Variants in HMGB1 observed in about 807,000 individuals in gnomAD.
HMGB1 encodes high mobility group protein B1.
For synonymous variants in HMGB1, 81 were observed against 84.0 expected (o/e 0.96, Z 0.19); for missense variants, 79 against 253.5 (o/e 0.31, Z 4.67).
At chr13:30,506,653 C>G (rs1887875967) in intron 1 of HMGB1, among the ~76,000 whole-genome samples, 1 of 152,184 alleles carries the variant, frequency 6.6e-6, no homozygotes, top group Non-Finnish European at 1.5e-5. Context: ...CACACTCGAG[C>G]TGCCCCTCTC....
At chr13:30,511,307 T>G (rs1478162834) in intron 1 of HMGB1, among the ~76,000 whole-genome samples, 1 of 151,512 alleles carries the variant, frequency 6.6e-6, no homozygotes, top group Admixed American at 6.6e-5. Context: ...TGGTGGGAGG[T>G]GTTTGGGCCA....
At position 30,462,577 on chromosome 13, in the gene HMGB1, A is replaced by G. The variant is rs200955676; in HGVS notation, c.432T>C (p.Tyr144=). 1.9e-6 allele frequency: 3 copies of G among 1,612,952 alleles called. No individual in the cohort carries two copies. Among genetic ancestry groups the G allele is most frequent in the East Asian group, 2.2e-5 (1 of 44,878 alleles). Residue 144 remains tyrosine (Y), a synonymous_variant, in exon 4 of 5, where the codon TAT becomes TAC. Coordinates refer to ENST00000341423, the MANE Select transcript of HMGB1 (RefSeq NM_002128.7). Reference sequence around the variant, plus strand: ...CCTTCAGCTTCGCAGCCTTCTTTTCATAAGGCTGCTTGTCATCTGCAGCAG... The same window carrying G: ...CCTTCAGCTTCGCAGCCTTCTTTTCGTAAGGCTGCTTGTCATCTGCAGCAG... The part of the protein sequence containing the change: ...NNTAADDKQP[Y]EKKAAKLKEK...
chr13:30,519,862 T>C (rs1170969529), intron 1 of HMGB1, among the ~76,000 whole-genome samples: 1 of 152,150 alleles, frequency 6.6e-6, no homozygotes, highest in African/African-American at 2.4e-5. Flanking sequence ...AAAGGAAAAA[T>C]GTTCCTTTAA....
intron 1 of HMGB1, among the ~76,000 whole-genome samples, chr13:30,605,069 G>A (rs759069046): frequency 1.3e-5 from 2 of 152,222 alleles, no homozygotes; most frequent in Non-Finnish European, 2.9e-5. Context: ...TGAGAAGAAC[G>A]ACGTTCCTCA....
intron 1 of HMGB1, among the ~76,000 whole-genome samples, chr13:30,515,490 C>T (rs1033433738): frequency 6.6e-5 from 10 of 152,138 alleles, no homozygotes; most frequent in African/African-American, 2.4e-4. Flanking sequence ...CACTATTGAA[C>T]AAAACGTAAT....
intron 1 of HMGB1, among the ~76,000 whole-genome samples, chr13:30,518,646 G>C (rs910551518): frequency 4.6e-5 from 7 of 151,888 alleles, no homozygotes; most frequent in Non-Finnish European, 7.4e-5. Context: ...AGAGCATTTA[G>C]CACAGTGCCT....
At chr13:30,558,682 A>G (rs1869800251) in intron 1 of HMGB1, among the ~76,000 whole-genome samples, 2 of 152,190 alleles carry the variant, frequency 1.3e-5, no homozygotes, top group South Asian at 4.1e-4. Context: ...GACAGATAGA[A>G]TCAAGCCATT....
intron 1 of HMGB1, among the ~76,000 whole-genome samples, chr13:30,614,912 A>G (rs2137579791): frequency 6.9e-6 from 1 of 144,074 alleles, no homozygotes; most frequent in East Asian, 2.0e-4. Flanking sequence ...GGGTTTCACC[A>G]TCTTGGCCAG....
At chr13:30,463,125 A>C (rs947064601) in intron 3 of HMGB1, 82 bp downstream of exon 3, 1 of 1,355,140 alleles carries the variant, frequency 7.4e-7, no homozygotes, top group Non-Finnish European at 1.0e-6. Flanking sequence ...TTACACTCTA[A>C]ACTGACAAAG....
chr13:30,602,602 A>G (rs922758674), intron 1 of HMGB1, among the ~76,000 whole-genome samples: 2 of 152,252 alleles, frequency 1.3e-5, no homozygotes, highest in African/African-American at 4.8e-5. Context: ...CATAAAAATT[A>G]AAATAACCTT....
intron 1 of HMGB1, among the ~76,000 whole-genome samples, chr13:30,517,826 A>G (rs915940803): frequency 6.6e-6 from 1 of 152,242 alleles, no homozygotes; most frequent in Non-Finnish European, 1.5e-5. Flanking sequence ...TCAGAAAACA[A>G]AAAAACCCAG....
intron 1 of HMGB1, among the ~76,000 whole-genome samples, chr13:30,603,865 A>G (rs1230502517): frequency 1.3e-5 from 2 of 152,208 alleles, no homozygotes; most frequent in African/African-American, 4.8e-5. Context: ...GAATAATGAC[A>G]AGGAAAAAAG....
intron 1 of HMGB1, among the ~76,000 whole-genome samples, chr13:30,505,119 G>A (rs1227336002): frequency 2.1e-5 from 3 of 145,938 alleles, no homozygotes; most frequent in East Asian, 2.0e-4. Context: ...TACAGGCGCC[G>A]CCACCATGCC....
At chr13:30,550,509 T>C (rs961783099) in intron 1 of HMGB1, among the ~76,000 whole-genome samples, 4 of 152,210 alleles carry the variant, frequency 2.6e-5, no homozygotes, top group African/African-American at 9.7e-5. Flanking sequence ...CTCGTGTTTG[T>C]CGTACTTCCT....
At chr13:30,541,487 CA>C (rs761439831) in intron 1 of HMGB1, among the ~76,000 whole-genome samples, 31 of 147,562 alleles carry the variant, frequency 2.1e-4, no homozygotes, top group Admixed American at 4.0e-4. Flanking sequence ...AAAGCACCTT[CA>C]AAAACTGGGC....
intron 1 of HMGB1, among the ~76,000 whole-genome samples, chr13:30,538,720 T>A (rs868004840): frequency 8.1e-5 from 9 of 111,108 alleles, no homozygotes; most frequent in African/African-American, 8.3e-5. Flanking sequence ...TCTTTCTTCT[T>A]TTTCTTTCTT....
chr13:30,583,257 G>A (rs2137544637), intron 1 of HMGB1, among the ~76,000 whole-genome samples: 1 of 152,130 alleles, frequency 6.6e-6, no homozygotes, highest in South Asian at 2.1e-4. Flanking sequence ...ACCTGGCCAG[G>A]TGTGATGGTT....
intron 1 of HMGB1, among the ~76,000 whole-genome samples, chr13:30,563,739 C>T (rs1398531644): frequency 6.6e-6 from 1 of 152,156 alleles, no homozygotes; most frequent in Non-Finnish European, 1.5e-5. Flanking sequence ...TTAGAAGTAA[C>T]CTAGGACCTT....
At chr13:30,464,559 G>C in intron 1 of HMGB1, 3 of 984,492 alleles carry the variant, frequency 3.0e-6, no homozygotes, top group Non-Finnish European at 3.6e-6. Context: ...CGCCACGTGC[G>C]CCCGGCAGGC....
Sources: allele counts gnomAD v4.1 joint callset (sites outside exome capture counted in the v4.1 genomes callset), GRCh38; gene constraint gnomAD v4.1.1; transcripts MANE v1.5; gene names NCBI Gene and HGNC (gene_info 2026-07-23, HGNC 2026-07-21).